BORCS5: variants seen among roughly 807,000 people sequenced by gnomAD.
BORCS5 encodes the protein BLOC-1 related complex subunit 5.
Under a neutral mutation model 22.1 loss-of-function variants are expected in BORCS5, and 17 were observed. The ratio of observed to expected loss-of-function variants is 0.77; its 90% CI spans 0.53 to 1.15. The LOEUF is 1.15. Among genes scored for constraint, BORCS5 ranks in the 50% most tolerant of loss-of-function variants. The probability of loss-of-function intolerance (pLI) is 0.00; values close to 1 mark genes in which losing one functional copy is unlikely to be tolerated. For missense variants in BORCS5, 247 were observed against 253.2 expected (o/e 0.98, Z 0.17); for synonymous variants, 117 against 99.8 (o/e 1.17, Z -1.03).
In BORCS5 at chr12:12,423,438, CTTTTTTTTTTTTTTTT is replaced by C. The variant is rs939681383; in HGVS notation, c.203-12177_203-12162del. ...GTCTAGTATTAAGAAACTCCCTCAG[CTTTTTTTTTTTTTTTT>C]TTTTTTTTTTTTCCTGACTGATACG... On this transcript the variant is annotated intron_variant, in intron 2 of 3. Transcript: ENST00000314565. Among the ~76,000 whole-genome samples, 9 of 57,254 alleles carry C rather than the reference CTTTTTTTTTTTTTTTT, an allele frequency of 1.6e-4. No homozygotes were observed. The South Asian group carries it at 3.2e-3, about 21-fold the overall frequency. 37.6% of individuals were successfully genotyped at this position (57,254 alleles called of 152,430 possible).
rs1472167247 is a variant in BORCS5 at position 12,470,261 on chromosome 12, G to T, written c.*4485G>T. 6.6e-6 allele frequency among the ~76,000 whole-genome samples: 1 copy of T among 152,114 alleles called. No homozygotes were observed. The highest frequency in any genetic ancestry group is 1.5e-5 in the Non-Finnish European group (1 of 68,026). On this transcript the variant is annotated 3_prime_UTR_variant, in exon 4 of 4. Transcript: ENST00000314565. ...AATTTTTTATTTTTAGTAGAGATGGGGTTTCACCATGTTGGCCAGGCAGGT... is the reference window on the plus strand; with the variant it reads ...AATTTTTTATTTTTAGTAGAGATGGTGTTTCACCATGTTGGCCAGGCAGGT...
At chr12:12,380,199 T>C (rs972932735) in intron 2 of BORCS5, among the ~76,000 whole-genome samples, 4 of 151,214 alleles carry the variant, frequency 2.6e-5, no homozygotes, top group Non-Finnish European at 4.4e-5. Flanking sequence ...CCATGACAGA[T>C]ATCATAATAA....
intron 2 of BORCS5, among the ~76,000 whole-genome samples, chr12:12,434,827 G>A (rs1942519788): frequency 6.6e-6 from 1 of 152,154 alleles, no homozygotes; most frequent in African/African-American, 2.4e-5. Context: ...GGGGTCCTTG[G>A]TAATTTTTGA....
intron 3 of BORCS5, among the ~76,000 whole-genome samples, chr12:12,447,595 C>A (rs569103536): frequency 1.3e-5 from 2 of 152,220 alleles, no homozygotes; most frequent in African/African-American, 4.8e-5. Flanking sequence ...CATCATTGTC[C>A]CATGTGCGGT....
At chr12:12,413,873 T>C (rs1182704312) in intron 2 of BORCS5, among the ~76,000 whole-genome samples, 12 of 44,702 alleles carry the variant, frequency 2.7e-4, no homozygotes, top group South Asian at 6.2e-4. Flanking sequence ...GGGTGGCTGG[T>C]CAGGCGGGGG....
intron 2 of BORCS5, among the ~76,000 whole-genome samples, chr12:12,412,028 AT>A (rs2136087010): frequency 1.3e-5 from 2 of 152,168 alleles, no homozygotes; most frequent in Middle Eastern, 3.4e-3. Context: ...GATTACTGTA[AT>A]TTTAAGTTTT....
chr12:12,456,041 T>G (rs377482556), intron 3 of BORCS5, among the ~76,000 whole-genome samples: 5 of 152,334 alleles, frequency 3.3e-5, no homozygotes, highest in African/African-American at 1.2e-4. Context: ...CTTTATGAAG[T>G]TCTTACTGTT....
intron 3 of BORCS5, among the ~76,000 whole-genome samples, chr12:12,451,743 C>CTT (rs34796703): frequency 7.3e-5 from 11 of 151,186 alleles, no homozygotes; most frequent in African/African-American, 2.2e-4. Flanking sequence ...ACTAAAAGTA[C>CTT]TTTTTTTGTA....
intron 2 of BORCS5, among the ~76,000 whole-genome samples, chr12:12,410,403 A>C (rs1318847925): frequency 6.6e-6 from 1 of 152,202 alleles, no homozygotes; most frequent in Non-Finnish European, 1.5e-5. Context: ...TAGTTTTTGT[A>C]TAAGGTGTAA....
chr12:12,358,642 C>T lies in BORCS5; in HGVS notation c.58+1133C>T, dbSNP rs75596415. ...TGAACCAACAGCATTCGAGCATTTC[C>T]GATGTTAGAATTTGCCTATTCCCCT... On this transcript the variant is annotated intron_variant, in intron 1 of 3. Transcript: ENST00000314565. Among the ~76,000 whole-genome samples the T allele has an allele frequency of 8.6e-3, 1,314 of 152,234 alleles. 21 individuals are homozygous for T. Among genetic ancestry groups the T allele is most frequent in the African/African-American group, 0.029 (1,214 of 41,534 alleles).
chr12:12,411,708 C>G lies in BORCS5; in HGVS notation c.203-23920C>G, dbSNP rs75671844. Among the ~76,000 whole-genome samples the G allele has an allele frequency of 2.5e-3, 381 of 152,164 alleles. 2 individuals are homozygous for G. Among genetic ancestry groups the G allele is most frequent in the African/African-American group, 8.4e-3 (347 of 41,516 alleles). On this transcript the variant is annotated intron_variant, in intron 2 of 3. Transcript: ENST00000314565. ...TTCAGTGTCATGAAACTTTTGCCTG[C>G]GTTTTCTCACTATAGGAAACTATAG...
At chr12:12,431,345 A>G (rs1012750918) in intron 2 of BORCS5, among the ~76,000 whole-genome samples, 2 of 138,948 alleles carry the variant, frequency 1.4e-5, no homozygotes, top group African/African-American at 5.4e-5. Context: ...AGGTATTGGT[A>G]TTTCCTTTTC....
rs1164399182 is a variant in BORCS5, at chr12:12,468,411, G to A, written c.*2635G>A. 6.6e-6 allele frequency: 1 copy of A among 152,166 alleles called. No individual in the cohort carries two copies. Among genetic ancestry groups the A allele is most frequent in the Non-Finnish European group, 1.5e-5 (1 of 68,044 alleles). The allele number at this position is 152,166 out of a possible 1,614,324, so 9.4% of individuals were successfully genotyped here. A position where few individuals can be genotyped will look rare whatever the true frequency, so the allele number is the denominator to read the frequency against. ...TCTGGCCGTTATGGGATATTTCAGG[G>A]ATAGGAGTTGTGAAAGAGCCCTTGG... On this transcript the variant is annotated 3_prime_UTR_variant, in exon 4 of 4. Coordinates refer to ENST00000314565, the MANE Select transcript of BORCS5 (RefSeq NM_058169.6).
intron 2 of BORCS5, among the ~76,000 whole-genome samples, chr12:12,365,345 A>ATT (rs376865029): frequency 2.3e-4 from 33 of 140,814 alleles, no homozygotes; most frequent in East Asian, 6.3e-4. Context: ...ATTAAAATAC[A>ATT]TTTTTTTTTT....
intron 3 of BORCS5, among the ~76,000 whole-genome samples, chr12:12,438,382 G>GAAAAAAAAAAAAAAAAA (rs1565915767): frequency 7.8e-4 from 83 of 106,962 alleles, no homozygotes; most frequent in African/African-American, 3.9e-3. Flanking sequence ...AAAAAAAAAC[G>GAAAAAAAAAAAAAAAAA]AAAAACAACA....
chr12:12,422,868 A>G (rs922245944), intron 2 of BORCS5, among the ~76,000 whole-genome samples: 2 of 152,128 alleles, frequency 1.3e-5, no homozygotes, highest in Non-Finnish European at 2.9e-5. Context: ...CTTTTAGACT[A>G]ATTTTTTTTA....
rs146355775 is a variant in BORCS5, at chr12:12,370,268, ATTTATT to A, written c.202+8924_202+8929del. On this transcript the variant is annotated intron_variant, in intron 2 of 3. Transcript: ENST00000314565. ...CTTTCTCCAGTTTCCATTTGATGTC[ATTTATT>A]TTTAGTTTAAAGGACTTCTTTTAGC... Among the ~76,000 whole-genome samples the A allele has an allele frequency of 8.4e-3, 1,284 of 152,128 alleles. 28 individuals carry two copies. Among genetic ancestry groups the A allele is most frequent in the African/African-American group, 0.029 (1,215 of 41,504 alleles).
At chr12:12,365,720 G>A (rs1221207384) in intron 2 of BORCS5, among the ~76,000 whole-genome samples, 1 of 152,110 alleles carries the variant, frequency 6.6e-6, no homozygotes. Flanking sequence ...GTTTAATTAT[G>A]ATAATAGTAT....
intron 2 of BORCS5, among the ~76,000 whole-genome samples, chr12:12,393,896 GT>G (rs1941266916): frequency 1.3e-5 from 2 of 151,990 alleles, no homozygotes; most frequent in South Asian, 4.1e-4. Context: ...TAGAACAGAA[GT>G]TTTGATTGCT....
Sources: gnomAD v4.1 joint callset for allele counts (sites outside exome capture counted in the v4.1 genomes callset) on GRCh38, gnomAD v4.1.1 for gene constraint, MANE v1.5 for transcripts, NCBI Gene and HGNC (gene_info 2026-07-23, HGNC 2026-07-21) for gene names.